Variants in TBC1D14 observed in about 807,000 individuals in gnomAD.
TBC1D14 encodes TBC1 domain family member 14, also known as TBC1 domain family, member 14.
In TBC1D14, 26 loss-of-function variants were observed where a neutral mutation model predicts 79.0. The observed-to-expected ratio is 0.33, with a 90% CI of 0.24 to 0.46. The LOEUF (loss-of-function observed/expected upper bound fraction) is 0.46. Among genes scored for constraint, TBC1D14 ranks in the 20% least tolerant of loss-of-function variants. The probability of loss-of-function intolerance (pLI) is 1.00; values close to 1 mark genes in which losing one functional copy is unlikely to be tolerated. For missense variants in TBC1D14, 769 were observed against 887.6 expected (o/e 0.87, Z 1.70); for synonymous variants, 394 against 349.9 (o/e 1.13, Z -1.40).
chr4:6,929,775 T>C (rs1428910731), intron 2 of TBC1D14, among the ~76,000 whole-genome samples: 1 of 152,204 alleles, frequency 6.6e-6, no homozygotes, highest in Admixed American at 6.5e-5. Context: ...TGAGTTAAAC[T>C]GTTAGCTGGA....
At chr4:6,984,773 G>C (rs953293970) in intron 3 of TBC1D14, among the ~76,000 whole-genome samples, 1 of 152,266 alleles carries the variant, frequency 6.6e-6, no homozygotes, top group Non-Finnish European at 1.5e-5. Flanking sequence ...CCTTCTCTCT[G>C]GTATGCTTAG....
chr4:7,014,616 C>T, intron 12 of TBC1D14, 59 bp downstream of exon 12: 1 of 1,213,660 alleles, frequency 8.2e-7, no homozygotes, highest in Non-Finnish European at 1.2e-6. Flanking sequence ...CTGTTCTTCA[C>T]TCTCTTCTCT....
At chr4:6,975,430 G>C (rs1347578384) in intron 3 of TBC1D14, among the ~76,000 whole-genome samples, 1 of 151,962 alleles carries the variant, frequency 6.6e-6, no homozygotes, top group East Asian at 1.9e-4. Context: ...GGCTGGTCTT[G>C]AACTCCTGGA....
At chr4:6,945,376 C>A (rs1439065378) in intron 2 of TBC1D14, among the ~76,000 whole-genome samples, 1 of 151,352 alleles carries the variant, frequency 6.6e-6, no homozygotes, top group South Asian at 2.1e-4. Flanking sequence ...GAAATGTTGG[C>A]GTAGCTTGAA....
At chr4:7,006,074 T>C (rs1720166978) in intron 8 of TBC1D14, among the ~76,000 whole-genome samples, 1 of 152,218 alleles carries the variant, frequency 6.6e-6, no homozygotes, top group Non-Finnish European at 1.5e-5. Flanking sequence ...GCACAGTGGC[T>C]CGTGCCTGTA....
intron 3 of TBC1D14, among the ~76,000 whole-genome samples, chr4:6,976,997 A>G (rs918951425): frequency 7.0e-6 from 1 of 142,970 alleles, no homozygotes; most frequent in African/African-American, 2.6e-5. Context: ...TCCCCAATGG[A>G]CTATCAATCC....
intron 2 of TBC1D14, among the ~76,000 whole-genome samples, chr4:6,943,865 C>T (rs115772767): frequency 8.3e-6 from 1 of 120,070 alleles, no homozygotes; most frequent in Non-Finnish European, 1.7e-5. Flanking sequence ...GCACACTTAA[C>T]TTTTAAATCT....
At chr4:7,023,627 A>C (rs1321791705) in intron 12 of TBC1D14, among the ~76,000 whole-genome samples, 1 of 152,190 alleles carries the variant, frequency 6.6e-6, no homozygotes, top group African/African-American at 2.4e-5. Flanking sequence ...CTGCTGCCTC[A>C]TGGTGTGTGC....
rs2301819 is a variant in TBC1D14 at position 7,004,814 on chromosome 4, G to T, written c.1271-30G>T. 1.9e-6 allele frequency: 3 copies of T among 1,611,294 alleles called. No homozygotes were observed. In the South Asian group the frequency reaches 3.3e-5, roughly 18 times the overall value. On this transcript the variant is annotated intron_variant, in intron 7 of 13. Transcript: ENST00000409757. ...GTTTTGACGAAAAATACATGTGCAC[G>T]TAATACTTACCCAGAGGCTTTTCTT... is the stretch of plus-strand genomic sequence containing the variant.
intron 3 of TBC1D14, among the ~76,000 whole-genome samples, chr4:6,980,659 AAAG>A (rs1717286614): frequency 6.6e-6 from 1 of 152,218 alleles, no homozygotes; most frequent in Admixed American, 6.5e-5. Flanking sequence ...AGGAATGAAA[AAAG>A]GGGATACCAC....
At chr4:6,980,747 G>A (rs1422122892) in intron 3 of TBC1D14, among the ~76,000 whole-genome samples, 2 of 150,640 alleles carry the variant, frequency 1.3e-5, no homozygotes, top group Admixed American at 6.6e-5. Flanking sequence ...ACGGAGTCTC[G>A]CTTTGCCACC....
At chr4:6,963,949 C>T (rs1239194869) in intron 2 of TBC1D14, among the ~76,000 whole-genome samples, 1 of 152,034 alleles carries the variant, frequency 6.6e-6, no homozygotes, top group Non-Finnish European at 1.5e-5. Context: ...AGGCGTGCGC[C>T]ACCACGCCTG....
intron 3 of TBC1D14, among the ~76,000 whole-genome samples, chr4:6,978,730 T>C (rs930719102): frequency 9.3e-6 from 1 of 107,552 alleles, no homozygotes; most frequent in Admixed American, 1.0e-4. Flanking sequence ...CACCCAAGAA[T>C]GATCAATTAA....
At chr4:7,023,929 C>T (rs1211768151) in intron 12 of TBC1D14, among the ~76,000 whole-genome samples, 1 of 152,206 alleles carries the variant, frequency 6.6e-6, no homozygotes, top group African/African-American at 2.4e-5. Flanking sequence ...TGAATGAAGT[C>T]TAGATTTTTA....
chr4:6,951,053 A>G (rs1310870287), intron 2 of TBC1D14, among the ~76,000 whole-genome samples: 1 of 152,144 alleles, frequency 6.6e-6, no homozygotes, highest in Non-Finnish European at 1.5e-5. Context: ...ACTTTGGGAA[A>G]CCAAGGCGGG....
At chr4:7,024,602 C>G (rs567055325) in intron 12 of TBC1D14, among the ~76,000 whole-genome samples, 134 of 152,300 alleles carry the variant, frequency 8.8e-4, no homozygotes, top group African/African-American at 3.1e-3. Flanking sequence ...GCGGGGGGAA[C>G]CTGTGCAGTG....
At chr4:6,981,648 C>G (rs1192735566) in intron 3 of TBC1D14, among the ~76,000 whole-genome samples, 1 of 152,204 alleles carries the variant, frequency 6.6e-6, no homozygotes, top group South Asian at 2.1e-4. Flanking sequence ...CAAATTGAAT[C>G]CCATAATACA....
chr4:6,926,127 G>C (rs1724277823), intron 2 of TBC1D14, among the ~76,000 whole-genome samples: 1 of 152,188 alleles, frequency 6.6e-6, no homozygotes, highest in Non-Finnish European at 1.5e-5. Context: ...CCATTATGCT[G>C]TTGACGAACG....
intron 1 of TBC1D14, among the ~76,000 whole-genome samples, chr4:6,919,871 G>A (rs1039485934): frequency 7.9e-5 from 12 of 152,114 alleles, no homozygotes; most frequent in South Asian, 2.1e-4. Context: ...TGCCCGCCTT[G>A]GCCTCCCAAA....
Sources: allele counts gnomAD v4.1 joint callset (sites outside exome capture counted in the v4.1 genomes callset), GRCh38; gene constraint gnomAD v4.1.1; transcripts MANE v1.5; gene names NCBI Gene and HGNC (gene_info 2026-07-23, HGNC 2026-07-21).